Variants in CERKL observed in about 807,000 individuals in gnomAD.
The protein encoded by CERKL is CERK like autophagy regulator.
In CERKL, 61 loss-of-function variants were observed where a neutral mutation model predicts 63.4. That is an observed-to-expected ratio of 0.96 (90% CI 0.78 to 1.19). The LOEUF is 1.19. Ranked by LOEUF, CERKL falls within the 50% of genes most tolerant of loss-of-function variation. The pLI is 0.00. For missense variants in CERKL, 675 were observed against 655.5 expected, an observed-to-expected ratio of 1.03 and a Z score of -0.33; for synonymous variants, 250 against 230.5, an observed-to-expected ratio of 1.08 and a Z score of -0.77.
chr2:181,614,737 C>G (rs1353102152), intron 1 of CERKL, among the ~76,000 whole-genome samples: 1 of 151,934 alleles, frequency 6.6e-6, no homozygotes, highest in African/African-American at 2.4e-5. Context: ...TACATACAGA[C>G]AGTATAGTAA....
intron 2 of CERKL, among the ~76,000 whole-genome samples, chr2:181,592,804 T>A (rs1191454116): frequency 6.6e-6 from 1 of 152,146 alleles, no homozygotes; most frequent in African/African-American, 2.4e-5. Flanking sequence ...TTGTGAAAAT[T>A]AACATCTGTT....
chr2:181,589,337 CTCTT>C (rs1455513859), intron 2 of CERKL, among the ~76,000 whole-genome samples: 2 of 152,268 alleles, frequency 1.3e-5, no homozygotes, highest in Admixed American at 6.5e-5. Context: ...TTATTGGCAG[CTCTT>C]TTTTTGGCCC....
intron 4 of CERKL, among the ~76,000 whole-genome samples, chr2:181,562,781 A>G (rs1399056753): frequency 6.6e-6 from 1 of 152,160 alleles, no homozygotes; most frequent in African/African-American, 2.4e-5. Flanking sequence ...CCCATCATCT[A>G]TGAAATGTTC....
At chr2:181,619,109 T>C (rs1686338680) in intron 1 of CERKL, among the ~76,000 whole-genome samples, 1 of 152,158 alleles carries the variant, frequency 6.6e-6, no homozygotes, top group Non-Finnish European at 1.5e-5. Flanking sequence ...TTCATCATTT[T>C]CATTCATTTC....
chr2:181,546,958 T>C (rs374847904), intron 10 of CERKL, among the ~76,000 whole-genome samples: 1 of 152,150 alleles, frequency 6.6e-6, no homozygotes, highest in South Asian at 2.1e-4. Context: ...TGGTGGGAGA[T>C]AACTGAATCA....
At chr2:181,656,710 G>C in intron 1 of CERKL, 59 bp downstream of exon 1, 1 of 1,416,522 alleles carries the variant, frequency 7.1e-7, no homozygotes, top group Middle Eastern at 2.5e-4. Flanking sequence ...GTAGGCCTTG[G>C]GCCGGGGAGA....
At chr2:181,627,409 A>C (rs1686758604) in intron 1 of CERKL, among the ~76,000 whole-genome samples, 1 of 152,222 alleles carries the variant, frequency 6.6e-6, no homozygotes, top group Non-Finnish European at 1.5e-5. Context: ...TTGAAATAAG[A>C]GCAAGAAGAA....
At chr2:181,560,102 A>G (rs556591551) in intron 4 of CERKL, among the ~76,000 whole-genome samples, 1 of 152,208 alleles carries the variant, frequency 6.6e-6, no homozygotes, top group African/African-American at 2.4e-5. Context: ...AATAGGCCAC[A>G]GTCCCATCTT....
In CERKL at chr2:181,538,233, C is replaced by T. The variant is rs1687294335; in HGVS notation, c.1550G>A (p.Arg517Lys). 1 of 1,582,914 alleles carries T rather than the reference C, an allele frequency of 6.3e-7. No homozygotes were observed. Among genetic ancestry groups the T allele is most frequent in the South Asian group, 1.1e-5 (1 of 90,316 alleles). Residue 517 changes from arginine to lysine, a missense_variant, in exon 13 of 13, where the codon AGA becomes AAA. Transcript: ENST00000410087. ...ASEVHIRLHPRLISLYGGSME... is the reference protein window; with the variant it reads ...ASEVHIRLHPKLISLYGGSME... ...GCTTCCTCCATAAAGACTGATAAGT[C>T]TTGGATGCAATCTGTAAAGAAAATA...
chr2:181,628,439 A>G (rs1176977919), intron 1 of CERKL, among the ~76,000 whole-genome samples: 1 of 152,210 alleles, frequency 6.6e-6, no homozygotes, highest in East Asian at 1.9e-4. Flanking sequence ...GATTTGTTCC[A>G]AAGAGTTACT....
chr2:181,593,967 A>G (rs959932435), intron 2 of CERKL, among the ~76,000 whole-genome samples: 4 of 152,208 alleles, frequency 2.6e-5, no homozygotes, highest in Middle Eastern at 3.4e-3. Context: ...AAGTCAACCA[A>G]TCTCTCAGAG....
At chr2:181,605,642 A>C (rs1334383085) in intron 1 of CERKL, among the ~76,000 whole-genome samples, 1 of 152,212 alleles carries the variant, frequency 6.6e-6, no homozygotes, top group Admixed American at 6.5e-5. Context: ...ATGCCAAAAA[A>C]ATATTTACAG....
At position 181,547,723 on chromosome 2, in the gene CERKL, C is replaced by T. The variant is rs1443005792; in HGVS notation, c.1163G>A (p.Cys388Tyr). ...RRAQGSPKSD[C>Y]NDQWQMIQGQ... ...CTGGATCATTTGCCATTGATCATTA[C>T]AGTCTAAAGGTAATGAAAGTGATTG... is the stretch of plus-strand genomic sequence containing the variant. Residue 388 changes from cysteine (C) to tyrosine (Y), a missense_variant, in exon 10 of 13, where the codon TGT becomes TAT. Cys to Tyr is a radical substitution (Grantham distance 194). Transcript: ENST00000410087. 1 of 1,613,838 alleles carries T rather than the reference C, an allele frequency of 6.2e-7. No homozygotes were observed. The highest frequency in any genetic ancestry group is 1.3e-5 in the African/African-American group (1 of 74,910).
intron 2 of CERKL, among the ~76,000 whole-genome samples, chr2:181,586,288 A>C (rs1016849963): frequency 3.9e-5 from 6 of 152,216 alleles, no homozygotes; most frequent in African/African-American, 1.4e-4. Context: ...GGACTTATGT[A>C]AAGTCATTAG....
chr2:181,536,913 A>G lies in CERKL; in HGVS notation c.*1271T>C, dbSNP rs377401732. The G allele has an allele frequency of 2.2e-6, 1 of 453,516 alleles. No individual in the cohort carries two copies. 28.1% of individuals were successfully genotyped at this position (453,516 alleles called of 1,614,324 possible). A position where few individuals can be genotyped will look rare whatever the true frequency, so the allele number is the denominator to read the frequency against. The stretch of plus-strand genomic sequence containing the variant: ...GATCAAATTAGAAGGCAATGTGGAA[A>G]AACAATTCTGGGAAAGATTTCTTTA... On this transcript the variant is annotated 3_prime_UTR_variant, in exon 13 of 13. Transcript: ENST00000410087.
rs548101534 is a variant in CERKL, at chr2:181,618,209, AC to A, written c.239-14131del. On this transcript the variant is annotated intron_variant, in intron 1 of 12. Transcript: ENST00000410087. ...ATACACTAAATTCTCAGACTTCACC[AC>A]TAAGCAATATATCCGTGCAACAAAA... 1.7e-4 allele frequency among the ~76,000 whole-genome samples: 26 copies of A among 152,192 alleles called. No individual in the cohort carries two copies. The East Asian group carries it at 5.0e-3, about 29-fold the overall frequency.
chr2:181,584,056 T>G (rs773583012), intron 2 of CERKL, among the ~76,000 whole-genome samples: 3 of 152,200 alleles, frequency 2.0e-5, no homozygotes, highest in Non-Finnish European at 2.9e-5. Flanking sequence ...TAGAACACAT[T>G]GGCAGAATAA....
At chr2:181,554,892 C>T (rs1688140357) in intron 5 of CERKL, among the ~76,000 whole-genome samples, 1 of 152,158 alleles carries the variant, frequency 6.6e-6, no homozygotes, top group African/African-American at 2.4e-5. Flanking sequence ...AAATATACCC[C>T]ACACATGACT....
At chr2:181,649,328 AG>A (rs1456774282) in intron 1 of CERKL, among the ~76,000 whole-genome samples, 1 of 152,206 alleles carries the variant, frequency 6.6e-6, no homozygotes, top group Non-Finnish European at 1.5e-5. Flanking sequence ...AATATGATAA[AG>A]GGATCAATTC....
Sources: gnomAD v4.1 joint callset for allele counts (sites outside exome capture counted in the v4.1 genomes callset) on GRCh38, gnomAD v4.1.1 for gene constraint, MANE v1.5 for transcripts, NCBI Gene and HGNC (gene_info 2026-07-23, HGNC 2026-07-21) for gene names.